Variants in GTF3C5 observed in about 807,000 individuals in gnomAD.
GTF3C5 encodes general transcription factor 3C polypeptide 5.
Under a neutral mutation model 61.0 loss-of-function variants are expected in GTF3C5, and 47 were observed. The observed-to-expected ratio is 0.77, with a 90% confidence interval of 0.61 to 0.98. GTF3C5 has a LOEUF of 0.98. Among genes scored for constraint, GTF3C5 ranks in the 50% least tolerant of loss-of-function variants. The pLI is 0.00. For synonymous variants in GTF3C5, 295 were observed against 275.4 expected (o/e 1.07, Z -0.71); for missense variants, 659 against 703.3 (o/e 0.94, Z 0.71).
intron 3 of GTF3C5, among the ~76,000 whole-genome samples, chr9:133,048,537 C>T (rs571512356): frequency 1.3e-3 from 191 of 152,086 alleles, no homozygotes; most frequent in African/African-American, 3.6e-3. Flanking sequence ...GGCGTGGTGG[C>T]GCATGCTTGT....
At chr9:133,051,979 G>A (rs559425925) in intron 4 of GTF3C5, 81 bp from the exon 5 acceptor site, 5 of 714,122 alleles carry the variant, frequency 7.0e-6, no homozygotes, top group East Asian at 2.8e-5. Context: ...GGCCGCTGGG[G>A]CCCAGAACAT....
intron 8 of GTF3C5, chr9:133,055,012 C>T: frequency 1.9e-6 from 3 of 1,551,716 alleles, no homozygotes; most frequent in Non-Finnish European, 2.6e-6. Context: ...TTGGGGACAT[C>T]TGGCGAAGAG....
rs779999474 is a variant in GTF3C5 at position 133,053,985 on chromosome 9, T to C, written c.988+43T>C. ...CTTTGCTTCCTGCCTTTCTCTCTCT[T>C]TATCTTTCAGTTTCTAGCATTCTCT... On this transcript the variant is annotated intron_variant, in intron 6 of 10. Transcript: ENST00000372097. 5.1e-6 allele frequency: 6 copies of C among 1,187,208 alleles called. No individual in the cohort carries two copies. The East Asian group carries it at 7.1e-5, about 14-fold the overall frequency. 73.5% of individuals were successfully genotyped at this position (1,187,208 alleles called of 1,614,324 possible).
chr9:133,052,021 G>GCC, intron 4 of GTF3C5, 39 bp from the exon 5 acceptor site: 1 of 1,107,896 alleles, frequency 9.0e-7, no homozygotes, highest in Non-Finnish European at 1.3e-6. Flanking sequence ...GGTGGAAGCT[G>GCC]CTGGTGCTCA....
rs750497049 is a variant in GTF3C5, at chr9:133,043,867, C to T, written c.513C>T (p.Pro171=). 295 of 1,614,008 alleles carry T rather than the reference C, an allele frequency of 1.8e-4. No homozygotes were observed. The highest frequency in any genetic ancestry group is 2.5e-4 in the Non-Finnish European group (290 of 1,180,004). The change falls in exon 3 of 11, where the codon CCC becomes CCT. Residue 171 remains proline (P), a synonymous_variant. Transcript: ENST00000372097. ...HQELPLYIPP[P]IFSRLDAPVD... Reference sequence around the variant, plus strand: ...AGCTGCCGCTCTACATCCCCCCACCCATCTTCTCCCGGCTGGACGCCCCGG... The same window carrying T: ...AGCTGCCGCTCTACATCCCCCCACCTATCTTCTCCCGGCTGGACGCCCCGG...
In GTF3C5 at chr9:133,037,523, G is replaced by C. The variant is rs192058317; in HGVS notation, c.154-4564G>C. On this transcript the variant is annotated intron_variant, in intron 1 of 10. Coordinates refer to ENST00000372097, the MANE Select transcript of GTF3C5 (RefSeq NM_012087.4). ...GGGTTTTTAACTTTATATGTATGGT[G>C]GGGGGGTGGGACTTGGAGTCTTCCC... is the stretch of plus-strand genomic sequence containing the variant. Among the ~76,000 whole-genome samples, 13 of 142,344 alleles carry C rather than the reference G, an allele frequency of 9.1e-5. No homozygotes were observed. The East Asian group carries it at 2.4e-3, about 27-fold the overall frequency. The allele number at this position is 142,344 out of a possible 152,430, so 93.4% of individuals were successfully genotyped here. A position where few individuals can be genotyped will look rare whatever the true frequency, so the allele number is the denominator to read the frequency against.
At chr9:133,041,235 A>G (rs2905085) in intron 1 of GTF3C5, among the ~76,000 whole-genome samples, 541 of 152,230 alleles carry the variant, frequency 3.6e-3, no homozygotes, top group Non-Finnish European at 6.6e-3. Context: ...GAGTTTGGAG[A>G]AGACTCTACT....
intron 9 of GTF3C5, 114 bp downstream of exon 9, chr9:133,056,208 G>A (rs767169275): frequency 1.5e-5 from 12 of 822,484 alleles, no homozygotes; most frequent in Middle Eastern, 2.7e-4. Flanking sequence ...AAGAGCACTC[G>A]CCTGTCTGGG....
chr9:133,057,774 C>A (rs1227083286), intron 10 of GTF3C5, 40 bp from the exon 11 acceptor site: 2 of 1,537,054 alleles, frequency 1.3e-6, no homozygotes, highest in Non-Finnish European at 8.7e-7. Context: ...ACCCGGCAGC[C>A]TGCATGGGAC....
chr9:133,034,930 C>T (rs1420179555), intron 1 of GTF3C5, among the ~76,000 whole-genome samples: 2 of 152,094 alleles, frequency 1.3e-5, no homozygotes, highest in African/African-American at 4.8e-5. Flanking sequence ...TTCCAAGGGG[C>T]AGTTCGGATT....
intron 4 of GTF3C5, 43 bp from the exon 5 acceptor site, chr9:133,052,017 A>G: frequency 9.5e-7 from 1 of 1,053,270 alleles, no homozygotes; most frequent in East Asian, 2.5e-5. Flanking sequence ...GAAGGGTGGA[A>G]GCTGCTGGTG....
chr9:133,051,913 C>A, intron 4 of GTF3C5, 147 bp from the exon 5 acceptor site: 1 of 519,694 alleles, frequency 1.9e-6, no homozygotes. Context: ...GCAGGAGGTC[C>A]TAGGGCCACG....
At chr9:133,054,660 A>G in intron 7 of GTF3C5, 52 bp from the exon 8 acceptor site, 1 of 1,480,838 alleles carries the variant, frequency 6.8e-7, no homozygotes, top group East Asian at 2.5e-5. Flanking sequence ...GTTGGGAGAG[A>G]CACCTCCTCC....
chr9:133,047,758 A>G (rs900951818), intron 3 of GTF3C5, among the ~76,000 whole-genome samples: 4 of 152,066 alleles, frequency 2.6e-5, no homozygotes, highest in Admixed American at 2.6e-4. Flanking sequence ...CTGACCTCAG[A>G]TGATCCGCCT....
intron 3 of GTF3C5, among the ~76,000 whole-genome samples, chr9:133,050,375 G>A (rs779788547): frequency 6.6e-6 from 1 of 152,374 alleles, no homozygotes; most frequent in East Asian, 1.9e-4. Flanking sequence ...CAGCTGTGCT[G>A]GGTGATTTCA....
At chr9:133,039,210 A>G (rs1417589631) in intron 1 of GTF3C5, among the ~76,000 whole-genome samples, 1 of 152,194 alleles carries the variant, frequency 6.6e-6, no homozygotes, top group Non-Finnish European at 1.5e-5. Context: ...GGCCACTGGC[A>G]ATTATCTGCC....
At chr9:133,053,185 G>A (rs912939108) in intron 5 of GTF3C5, among the ~76,000 whole-genome samples, 1 of 152,142 alleles carries the variant, frequency 6.6e-6, no homozygotes, top group African/African-American at 2.4e-5. Context: ...TCCGTTTAGG[G>A]ACAGAAGATG....
intron 1 of GTF3C5, among the ~76,000 whole-genome samples, chr9:133,036,199 T>C (rs1021855117): frequency 2.0e-5 from 3 of 152,200 alleles, no homozygotes; most frequent in African/African-American, 7.2e-5. Flanking sequence ...ACACTCATGC[T>C]CAGGTCCTTT....
intron 1 of GTF3C5, among the ~76,000 whole-genome samples, chr9:133,031,441 TC>T (rs1053106885): frequency 1.3e-5 from 2 of 152,118 alleles, no homozygotes; most frequent in Admixed American, 1.3e-4. Context: ...AACCTCCGCC[TC>T]CAGGGTTCAA....
Sources: gnomAD v4.1 joint callset for allele counts (sites outside exome capture counted in the v4.1 genomes callset) on GRCh38, gnomAD v4.1.1 for gene constraint, MANE v1.5 for transcripts, NCBI Gene and HGNC (gene_info 2026-07-23, HGNC 2026-07-21) for gene names.